The following SMARCC1 variants were observed in gnomAD, a reference collection of about 807,000 sequenced individuals.
The protein encoded by SMARCC1 is SWI/SNF related BAF chromatin remodeling complex subunit C1.
In SMARCC1, 43 loss-of-function variants were observed where a neutral mutation model predicts 147.4. The ratio of observed to expected loss-of-function variants is 0.29; its 90% confidence interval spans 0.23 to 0.38. SMARCC1 has a LOEUF of 0.38. Ranked by LOEUF, SMARCC1 falls within the 10% of genes least tolerant of loss-of-function variation. SMARCC1 has a pLI of 1.00. For missense variants in SMARCC1, 1,119 were observed against 1,381.1 expected (o/e 0.81, Z 3.01); for synonymous variants, 495 against 484.4 (o/e 1.02, Z -0.29).
At chr3:47,746,386 C>G (rs989901090) in intron 2 of SMARCC1, 1 of 157,136 alleles carries the variant, frequency 6.4e-6, no homozygotes, top group Non-Finnish European at 1.4e-5. Flanking sequence ...GTTGAGCCTG[C>G]GGTGAGCCCT....
chr3:47,693,738 C>T (rs1413192690), intron 11 of SMARCC1, among the ~76,000 whole-genome samples: 1 of 152,206 alleles, frequency 6.6e-6, no homozygotes, highest in African/African-American at 2.4e-5. Context: ...TCATGGCTCA[C>T]TGCAGCCTTG....
At chr3:47,754,231 T>G (rs2034661865) in intron 2 of SMARCC1, among the ~76,000 whole-genome samples, 1 of 150,064 alleles carries the variant, frequency 6.7e-6, no homozygotes, top group South Asian at 2.1e-4. Context: ...TGAGACTGAG[T>G]CTCGCTCTGT....
chr3:47,693,506 T>C (rs1181498988), intron 11 of SMARCC1, among the ~76,000 whole-genome samples: 1 of 152,208 alleles, frequency 6.6e-6, no homozygotes, highest in Non-Finnish European at 1.5e-5. Flanking sequence ...TATAGTTTCA[T>C]CATAAAAGCA....
rs191854711 is a variant in SMARCC1 at position 47,620,149 on chromosome 3, A to C, written c.2781+2058T>G. Among the ~76,000 whole-genome samples the C allele has an allele frequency of 1.6e-4, 24 of 152,316 alleles. 1 individual carries two copies. The South Asian group carries it at 1.9e-3, about 12-fold the overall frequency. On this transcript the variant is annotated intron_variant, in intron 25 of 27. Transcript: ENST00000254480. The stretch of plus-strand genomic sequence containing the variant: ...ATGCTTAGGGAGTCACTAATTCTTT[A>C]TCTAGTCAACTCATTACAAAAATTT...
intron 6 of SMARCC1, among the ~76,000 whole-genome samples, chr3:47,721,444 C>T (rs75213067): frequency 6.6e-6 from 1 of 152,082 alleles, no homozygotes; most frequent in African/African-American, 2.4e-5. Flanking sequence ...CATTTCAGCA[C>T]TGGTAATCAT....
At position 47,586,044 on chromosome 3, in the gene SMARCC1, C is replaced by A. The variant is rs560622114; in HGVS notation, c.*2165G>T. 5 of 152,090 alleles carry A rather than the reference C, an allele frequency of 3.3e-5. No homozygotes were observed. Among genetic ancestry groups the A allele is most frequent in the African/African-American group, 1.2e-4 (5 of 41,272 alleles). 9.4% of individuals were successfully genotyped at this position (152,090 alleles called of 1,614,324 possible). On this transcript the variant is annotated 3_prime_UTR_variant, in exon 28 of 28. Transcript: ENST00000254480. ...GTTTGTACAAAAACCACATATTATT[C>A]CCCCCCCTCACAAAATCAGGTGGCT... is the stretch of plus-strand genomic sequence containing the variant.
rs59503499 is a variant in SMARCC1 at position 47,627,956 on chromosome 3, C to T, written c.2647-5615G>A. 4.2e-3 allele frequency among the ~76,000 whole-genome samples: 639 copies of T among 152,276 alleles called. 7 individuals carry two copies. Among genetic ancestry groups the T allele is most frequent in the African/African-American group, 0.015 (617 of 41,544 alleles). On this transcript the variant is annotated intron_variant, in intron 24 of 27. Transcript: ENST00000254480. ...CAGGTTGGTCTCTAACTCCTGGCCT[C>T]AAGCAATCCTCCTGCCTCAGCTTCC...
chr3:47,779,853 G>C (rs2035019295), intron 1 of SMARCC1, among the ~76,000 whole-genome samples: 1 of 152,128 alleles, frequency 6.6e-6, no homozygotes, highest in African/African-American at 2.4e-5. Context: ...AAGACCCAAA[G>C]CATTGGCTAA....
chr3:47,674,313 C>T (rs1040212656), intron 18 of SMARCC1, among the ~76,000 whole-genome samples: 6 of 152,190 alleles, frequency 3.9e-5, no homozygotes, highest in African/African-American at 1.4e-4. Flanking sequence ...CATTCCTTTA[C>T]TTTTCTTATA....
intron 19 of SMARCC1, among the ~76,000 whole-genome samples, chr3:47,669,911 C>A (rs951209073): frequency 6.6e-6 from 1 of 152,138 alleles, no homozygotes; most frequent in African/African-American, 2.4e-5. Flanking sequence ...AGGAGGACTG[C>A]GATGTCAAAC....
rs1326478752 is a variant in SMARCC1, at chr3:47,696,075, AAAG to A, written c.1166-2778_1166-2776del. ...GAGCAAGACGCTGTCTCAAAAAAAA[AAAG>A]GGGGGGGGGGGGCCAGGCGAGGTGG... is the stretch of plus-strand genomic sequence containing the variant. On this transcript the variant is annotated intron_variant, in intron 11 of 27. Transcript: ENST00000254480. Among the ~76,000 whole-genome samples the A allele has an allele frequency of 4.0e-4, 24 of 59,692 alleles. No individual in the cohort carries two copies. The East Asian group carries it at 4.1e-3, about 10-fold the overall frequency. The allele number at this position is 59,692 out of a possible 152,430, so 39.2% of individuals were successfully genotyped here. A position where few individuals can be genotyped will look rare whatever the true frequency, so the allele number is the denominator to read the frequency against.
chr3:47,693,672 GT>G (rs978051389), intron 11 of SMARCC1, among the ~76,000 whole-genome samples: 9 of 151,930 alleles, frequency 5.9e-5, no homozygotes, highest in African/African-American at 2.2e-4. Context: ...TACCTTTTTA[GT>G]TTGTTTTCAG....
At chr3:47,611,269 C>A (rs1053987838) in intron 25 of SMARCC1, among the ~76,000 whole-genome samples, 8 of 152,154 alleles carry the variant, frequency 5.3e-5, no homozygotes, top group Non-Finnish European at 1.2e-4. Flanking sequence ...ATAGAAAAAT[C>A]TAAGTCACTG....
chr3:47,693,176 T>G (rs2033810724), intron 12 of SMARCC1, 65 bp downstream of exon 12: 1 of 933,896 alleles, frequency 1.1e-6, no homozygotes, highest in Admixed American at 1.9e-5. Flanking sequence ...AAGAATAGAC[T>G]ATCAAAGGAG....
chr3:47,615,405 C>T (rs2032626074), intron 25 of SMARCC1, among the ~76,000 whole-genome samples: 1 of 152,188 alleles, frequency 6.6e-6, no homozygotes, highest in South Asian at 2.1e-4. Context: ...ACCCTCCAGT[C>T]TCCTAAGCAA....
chr3:47,733,985 A>T (rs1358663278), intron 5 of SMARCC1, among the ~76,000 whole-genome samples: 1 of 152,004 alleles, frequency 6.6e-6, no homozygotes, highest in Non-Finnish European at 1.5e-5. Context: ...GTGTATATAT[A>T]TACATATGTA....
intron 25 of SMARCC1, among the ~76,000 whole-genome samples, chr3:47,618,132 G>A (rs780462368): frequency 6.6e-6 from 1 of 152,090 alleles, no homozygotes; most frequent in Non-Finnish European, 1.5e-5. Flanking sequence ...GCAGAGCAGC[G>A]TTGTGTATTG....
intron 22 of SMARCC1, 146 bp from the exon 23 acceptor site, chr3:47,636,282 C>T (rs558412556): frequency 3.9e-5 from 23 of 591,878 alleles, no homozygotes; most frequent in Non-Finnish European, 6.3e-5. Context: ...GAGAACAGCT[C>T]GAAAAGAACT....
chr3:47,779,420 T>C (rs2035016040), intron 1 of SMARCC1, among the ~76,000 whole-genome samples: 1 of 152,108 alleles, frequency 6.6e-6, no homozygotes, highest in African/African-American at 2.4e-5. Flanking sequence ...GTGATAATAT[T>C]TTCACCACTT....
Sources: gnomAD v4.1 joint callset for allele counts (sites outside exome capture counted in the v4.1 genomes callset) on GRCh38, gnomAD v4.1.1 for gene constraint, MANE v1.5 for transcripts, NCBI Gene and HGNC (gene_info 2026-07-23, HGNC 2026-07-21) for gene names.